The following FHIT variants were observed in gnomAD, a reference collection of about 807,000 sequenced individuals.
FHIT encodes the protein bis(5'-adenosyl)-triphosphatase.
A neutral mutation model predicts 17.9 loss-of-function variants in FHIT; 19 were observed. The ratio of observed to expected loss-of-function variants is 1.06; its 90% CI spans 0.74 to 1.56. The LOEUF (loss-of-function observed/expected upper bound fraction) is 1.56, where lower values mean the gene tolerates loss of function less well. FHIT is among the 40% of genes most tolerant of loss of function. The pLI, the probability that FHIT is intolerant of heterozygous loss-of-function variation, is 0.00. For synonymous variants in FHIT, 81 were observed against 69.7 expected (o/e 1.16, Z -0.81); for missense variants, 248 against 189.2 (o/e 1.31, Z -1.82).
At chr3:59,902,948 C>T (rs1242593245) in intron 8 of FHIT, among the ~76,000 whole-genome samples, 1 of 152,022 alleles carries the variant, frequency 6.6e-6, no homozygotes, top group African/African-American at 2.4e-5. Flanking sequence ...ACTGCTCTCA[C>T]CATGCACACA....
At chr3:60,065,994 G>A (rs982209175) in intron 5 of FHIT, among the ~76,000 whole-genome samples, 9 of 152,118 alleles carry the variant, frequency 5.9e-5, no homozygotes, top group Non-Finnish European at 1.3e-4. Flanking sequence ...ACCTCCAGGA[G>A]GTCTTCTTGT....
chr3:61,031,908 A>G (rs1239454004), intron 3 of FHIT, among the ~76,000 whole-genome samples: 1 of 152,212 alleles, frequency 6.6e-6, no homozygotes, highest in Non-Finnish European at 1.5e-5. Flanking sequence ...ACCTTCTGTA[A>G]GTTAAATCAA....
intron 4 of FHIT, among the ~76,000 whole-genome samples, chr3:60,637,254 A>AG (rs1450049262): frequency 3.9e-5 from 6 of 152,190 alleles, no homozygotes; most frequent in African/African-American, 1.4e-4. Context: ...TTTTGGTATG[A>AG]AACTTCTTGG....
intron 5 of FHIT, among the ~76,000 whole-genome samples, chr3:60,336,818 G>A (rs939853245): frequency 6.6e-6 from 1 of 151,208 alleles, no homozygotes; most frequent in Non-Finnish European, 1.5e-5. Flanking sequence ...AAATAGGGCA[G>A]AGGAAGGCAT....
At chr3:60,284,614 T>A (rs1707629707) in intron 5 of FHIT, among the ~76,000 whole-genome samples, 1 of 152,156 alleles carries the variant, frequency 6.6e-6, no homozygotes, top group African/African-American at 2.4e-5. Flanking sequence ...CTTTCTTTGC[T>A]AATTTACACC....
chr3:60,840,636 C>T (rs957335525), intron 3 of FHIT, among the ~76,000 whole-genome samples: 1 of 152,214 alleles, frequency 6.6e-6, no homozygotes, highest in African/African-American at 2.4e-5. Context: ...TGATTGTACA[C>T]TTTCCTTCAT....
rs537738149 is a variant in FHIT at position 59,747,849 on chromosome 3, A to G, written c.*1736T>C. On this transcript the variant is annotated 3_prime_UTR_variant, in exon 10 of 10. Coordinates refer to ENST00000492590, the MANE Select transcript of FHIT (RefSeq NM_002012.4). Reference sequence around the variant, plus strand: ...ACTGGTTTAGGGTTGAAGCAAGTCTAAAGCCAGCTTGCTCTGGGTTTAAGA... The same window carrying G: ...ACTGGTTTAGGGTTGAAGCAAGTCTGAAGCCAGCTTGCTCTGGGTTTAAGA... Among the ~76,000 whole-genome samples, 4 of 152,246 alleles carry G rather than the reference A, an allele frequency of 2.6e-5. No individual in the cohort carries two copies. Among genetic ancestry groups the G allele is most frequent in the Admixed American group, 2.6e-4 (4 of 15,290 alleles).
At position 60,459,140 on chromosome 3, in the gene FHIT, C is replaced by T. The variant is rs143523483; in HGVS notation, c.103+77720G>A. Among the ~76,000 whole-genome samples the T allele has an allele frequency of 2.9e-4, 44 of 152,226 alleles. No individual in the cohort carries two copies. The East Asian group carries it at 8.3e-3, about 29-fold the overall frequency. On this transcript the variant is annotated intron_variant, in intron 5 of 9. Transcript: ENST00000492590. ...TTATAATGTGTTTAGATGTCATACT[C>T]AATTCTAGCTTCATCAAAATCACTT...
At chr3:60,193,734 G>T (rs770852415) in intron 5 of FHIT, among the ~76,000 whole-genome samples, 2 of 152,136 alleles carry the variant, frequency 1.3e-5, no homozygotes, top group African/African-American at 2.4e-5. Context: ...TTTAGTGGGG[G>T]ACACAGGCTT....
At chr3:60,184,122 G>A (rs746984317) in intron 5 of FHIT, among the ~76,000 whole-genome samples, 6 of 151,580 alleles carry the variant, frequency 4.0e-5, no homozygotes, top group African/African-American at 1.2e-4. Context: ...TGAGTAACTC[G>A]GATTACCGGG....
intron 4 of FHIT, among the ~76,000 whole-genome samples, chr3:60,662,338 T>C (rs537976436): frequency 7.9e-5 from 12 of 152,264 alleles, no homozygotes; most frequent in Admixed American, 3.3e-4. Flanking sequence ...TTGTTGACGA[T>C]TGGTTGGCTG....
intron 3 of FHIT, among the ~76,000 whole-genome samples, chr3:60,967,115 T>C (rs928582898): frequency 8.5e-5 from 13 of 152,232 alleles, no homozygotes; most frequent in Non-Finnish European, 1.6e-4. Context: ...ACCATTACTC[T>C]TAGCTTGATA....
At chr3:60,451,774 C>T (rs2031763009) in intron 5 of FHIT, among the ~76,000 whole-genome samples, 1 of 152,064 alleles carries the variant, frequency 6.6e-6, no homozygotes, top group African/African-American at 2.4e-5. Context: ...TGAGCATGAC[C>T]CCATAGGTAG....
At chr3:60,463,572 G>A (rs944160215) in intron 5 of FHIT, among the ~76,000 whole-genome samples, 9 of 152,078 alleles carry the variant, frequency 5.9e-5, no homozygotes, top group South Asian at 4.1e-4. Flanking sequence ...GAAATAAAAC[G>A]TCTAGGAAAC....
chr3:60,139,521 T>G (rs1233839466), intron 5 of FHIT, among the ~76,000 whole-genome samples: 1 of 152,152 alleles, frequency 6.6e-6, no homozygotes. Flanking sequence ...AAGCTAGATA[T>G]CCCTTCTGAA....
intron 5 of FHIT, among the ~76,000 whole-genome samples, chr3:60,188,893 A>T (rs1255937338): frequency 6.6e-6 from 1 of 152,112 alleles, no homozygotes; most frequent in African/African-American, 2.4e-5. Context: ...GCCGCAGGGC[A>T]CCCCAGTAGA....
rs57588436 is a variant in FHIT at position 60,356,753 on chromosome 3, C to CAAAAAAAAAAAAAAAAA, written c.103+180090_103+180106dup. On this transcript the variant is annotated intron_variant, in intron 5 of 9. Coordinates refer to ENST00000492590, the MANE Select transcript of FHIT (RefSeq NM_002012.4). Reference sequence around the variant, plus strand: ...CTATTATATAGCAGGAAGACAGAGACAAAAAAAAAAAAAAAAAAAAAAAAA... The same window carrying CAAAAAAAAAAAAAAAAA: ...CTATTATATAGCAGGAAGACAGAGACAAAAAAAAAAAAAAAAAAAAAAAAAAAAAAAAAAAAAAAAAA... Among the ~76,000 whole-genome samples the CAAAAAAAAAAAAAAAAA allele has an allele frequency of 5.1e-4, 30 of 58,674 alleles. 1 individual carries two copies. Among genetic ancestry groups the CAAAAAAAAAAAAAAAAA allele is most frequent in the Non-Finnish European group, 7.1e-4 (24 of 33,782 alleles). The allele number at this position is 58,674 out of a possible 152,430, so 38.5% of individuals were successfully genotyped here. A position where few individuals can be genotyped will look rare whatever the true frequency, so the allele number is the denominator to read the frequency against.
At chr3:60,034,453 T>TG (rs1366055374) in intron 5 of FHIT, among the ~76,000 whole-genome samples, 1 of 152,226 alleles carries the variant, frequency 6.6e-6, no homozygotes, top group Non-Finnish European at 1.5e-5. Flanking sequence ...ATGCTACATT[T>TG]AAACTACTCC....
chr3:60,742,825 C>G (rs898728394), intron 4 of FHIT, among the ~76,000 whole-genome samples: 2 of 152,326 alleles, frequency 1.3e-5, no homozygotes, highest in East Asian at 3.9e-4. Flanking sequence ...GACAGTATAC[C>G]ATGACAATCA....
Sources: gnomAD v4.1 joint callset for allele counts (sites outside exome capture counted in the v4.1 genomes callset) on GRCh38, gnomAD v4.1.1 for gene constraint, MANE v1.5 for transcripts, NCBI Gene and HGNC (gene_info 2026-07-23, HGNC 2026-07-21) for gene names.